PPP2R5C: variants seen among roughly 807,000 people sequenced by gnomAD.
PPP2R5C encodes protein phosphatase 2 regulatory subunit B'gamma.
PPP2R5C carries 7 observed loss-of-function variants against 68.9 expected under a neutral mutation model. The observed-to-expected ratio is 0.10, with a 90% CI of 0.06 to 0.19. The LOEUF (loss-of-function observed/expected upper bound fraction) is 0.19. Ranked by LOEUF, PPP2R5C falls within the 10% of genes least tolerant of loss-of-function variation. PPP2R5C has a pLI of 1.00. For synonymous variants in PPP2R5C, 210 were observed against 222.2 expected (o/e 0.95, Z 0.49); for missense variants, 348 against 641.3 (o/e 0.54, Z 4.94).
intron 1 of PPP2R5C, among the ~76,000 whole-genome samples, chr14:101,852,290 C>T (rs1464519373): frequency 6.6e-6 from 1 of 152,126 alleles, no homozygotes; most frequent in Admixed American, 6.5e-5. Context: ...CTGTACCTCC[C>T]TGACTGTTGG....
In PPP2R5C at chr14:101,844,192, G is replaced by A. The variant is rs116924463; in HGVS notation, c.95-12494G>A. On this transcript the variant is annotated intron_variant, in intron 1 of 13. Transcript: ENST00000334743. ...GGCCAGGTGAGGTGGAGGCCAGAAC[G>A]CAAAGTAGGTTAATACCAATACCAG... The A allele has an allele frequency of 2.3e-3, 337 of 147,240 alleles. 5 individuals are homozygous for A. In the East Asian group the frequency reaches 0.026, roughly 12 times the overall value. 9.1% of individuals were successfully genotyped at this position (147,240 alleles called of 1,614,324 possible). A position where few individuals can be genotyped will look rare whatever the true frequency, so the allele number is the denominator to read the frequency against.
chr14:101,797,914 C>T lies in PPP2R5C; in HGVS notation c.259+11731C>T, dbSNP rs796678278. On this transcript the variant is annotated intron_variant, in intron 3 of 14. Coordinates refer to the PPP2R5C transcript ENST00000328724. The surrounding 1 kb of genome is among the most constrained non-coding windows in gnomAD (Gnocchi z 4.2). ...CGCTGAGCTTCCCTGTGGACAAGCTCGTCCATCCTCTTTAATCACTCCCAG... is the reference window on the plus strand; with the variant it reads ...CGCTGAGCTTCCCTGTGGACAAGCTTGTCCATCCTCTTTAATCACTCCCAG... 1.4e-4 allele frequency among the ~76,000 whole-genome samples: 21 copies of T among 152,170 alleles called. No individual in the cohort carries two copies. Among genetic ancestry groups the T allele is most frequent in the African/African-American group, 5.1e-4 (21 of 41,520 alleles).
chr14:101,833,054 C>T (rs888414423), intron 1 of PPP2R5C, among the ~76,000 whole-genome samples: 1 of 152,234 alleles, frequency 6.6e-6, no homozygotes, highest in Non-Finnish European at 1.5e-5. Flanking sequence ...TCCACACTGG[C>T]AGTGATTAGA....
Position 101,899,641 on chromosome 14 carries a change from T to G in PPP2R5C, c.853-2078T>G, listed in dbSNP as rs2045565095. Among the ~76,000 whole-genome samples the G allele has an allele frequency of 6.6e-6, 1 of 152,238 alleles. No individual in the cohort carries two copies. The highest frequency in any genetic ancestry group is 1.5e-5 in the Non-Finnish European group (1 of 68,048). ...GTTGTATAGTTCACAAATTAACATA[T>G]TTCTCCTAATAAAATTCCATTTGAC... On this transcript the variant is annotated intron_variant, in intron 8 of 13. Transcript: ENST00000334743. The surrounding 1 kb of genome is among the most constrained non-coding windows in gnomAD (Gnocchi z 4.2).
At chr14:101,901,065 T>C (rs1352823597) in intron 8 of PPP2R5C, among the ~76,000 whole-genome samples, 1 of 152,232 alleles carries the variant, frequency 6.6e-6, no homozygotes, top group Non-Finnish European at 1.5e-5. Context: ...TTGAAAACAC[T>C]GTCTATGCAT....
Position 101,828,347 on chromosome 14 carries a change from A to T in PPP2R5C, c.94+18311A>T, listed in dbSNP as rs116188215. On this transcript the variant is annotated intron_variant, in intron 1 of 13. Coordinates refer to ENST00000334743, the Ensembl canonical transcript of PPP2R5C. ...GCTGATTGCACAACATTGTAAATGC[A>T]CTAAATGCCCCTGAAGTGTACTTGA... Among the ~76,000 whole-genome samples, 525 of 152,318 alleles carry T rather than the reference A, an allele frequency of 3.4e-3. 5 individuals are homozygous for T. The highest frequency in any genetic ancestry group is 0.012 in the African/African-American group (497 of 41,556).
Position 101,882,394 on chromosome 14 carries a change from G to A in PPP2R5C, c.405+123G>A, listed in dbSNP as rs1218734451. The A allele has an allele frequency of 1.3e-5, 8 of 622,752 alleles. No homozygotes were observed. Among genetic ancestry groups the A allele is most frequent in the Non-Finnish European group, 1.9e-5 (7 of 364,120 alleles). The allele number at this position is 622,752 out of a possible 1,614,324, so 38.6% of individuals were successfully genotyped here. ...TCTCCTCCTCAGTAGCATGGGCCTC[G>A]TAAACCCATATGTACAAGAAAAATA... On this transcript the variant is annotated intron_variant, in intron 3 of 13. Transcript: ENST00000334743. This position sits in a 1 kb window ranked among gnomAD's most constrained non-coding sequence, Gnocchi z 4.9.
exon 14 of PPP2R5C, chr14:101,925,440 A>C: frequency 5.0e-6 from 6 of 1,208,144 alleles, no homozygotes; most frequent in East Asian, 2.8e-5. Flanking sequence ...AGTTCAAACA[A>C]TGGTGACTTC....
At chr14:101,761,515 G>A (rs1423996494), upstream of PPP2R5C, among the ~76,000 whole-genome samples, 1 of 148,242 alleles carries the variant, frequency 6.7e-6, no homozygotes, top group East Asian at 2.1e-4. Flanking sequence ...AGCGGGGAGC[G>A]TTAGGGTACG....
intron 8 of PPP2R5C, among the ~76,000 whole-genome samples, chr14:101,900,100 C>T (rs555055382): frequency 6.6e-6 from 1 of 152,178 alleles, no homozygotes; most frequent in South Asian, 2.1e-4. Context: ...GTGCCCAGGT[C>T]GGTCTCGAAC....
intron 1 of PPP2R5C, among the ~76,000 whole-genome samples, chr14:101,838,323 C>T (rs758705316): frequency 2.6e-4 from 39 of 152,170 alleles, no homozygotes; most frequent in South Asian, 2.1e-4. Flanking sequence ...TGAATGCAAG[C>T]GTCTTGTGAA....
intron 8 of PPP2R5C, 42 bp from the exon 11 acceptor site, chr14:101,901,677 C>G: frequency 6.3e-7 from 1 of 1,597,532 alleles, no homozygotes; most frequent in Non-Finnish European, 8.6e-7. Context: ...GGTGTTGGGG[C>G]CTCGTGGGCA....
rs749754601 is a variant in PPP2R5C, at chr14:101,891,453, T to C, written c.689+1157T>C. Among the ~76,000 whole-genome samples, 41 of 140,556 alleles carry C rather than the reference T, an allele frequency of 2.9e-4. No homozygotes were observed. Among genetic ancestry groups the C allele is most frequent in the Non-Finnish European group, 3.8e-4 (25 of 66,634 alleles). 92.2% of individuals were successfully genotyped at this position (140,556 alleles called of 152,430 possible). A position where few individuals can be genotyped will look rare whatever the true frequency, so the allele number is the denominator to read the frequency against. On this transcript the variant is annotated intron_variant, in intron 6 of 13. Transcript: ENST00000334743. This position sits in a 1 kb window ranked among gnomAD's most constrained non-coding sequence, Gnocchi z 4.9. ...TCCCTCAGTGCAGTGCAGTGAGTGGTGAAGAGGATGCCTCTCTTACTAGAT... is the reference window on the plus strand; with the variant it reads ...TCCCTCAGTGCAGTGCAGTGAGTGGCGAAGAGGATGCCTCTCTTACTAGAT...
rs3993402 is a variant in PPP2R5C, at chr14:101,771,222, CGTGTGTGT to C, written c.93+8287_93+8294del. ...AGGGCATTTGGCTTTTTCTTCATCT[CGTGTGTGT>C]GTGTGTGTGTGTGTGTGTGTGTGTG... On this transcript the variant is annotated intron_variant, in intron 2 of 14. Coordinates refer to the PPP2R5C transcript ENST00000328724. 5.7e-3 allele frequency among the ~76,000 whole-genome samples: 768 copies of C among 135,482 alleles called. 4 individuals are homozygous for C. The highest frequency in any genetic ancestry group is 7.4e-3 in the Non-Finnish European group (475 of 64,420). The allele number at this position is 135,482 out of a possible 152,430, so 88.9% of individuals were successfully genotyped here.
chr14:101,795,249 A>C (rs966541098), intron 3 of PPP2R5C, among the ~76,000 whole-genome samples: 2 of 152,204 alleles, frequency 1.3e-5, no homozygotes, highest in African/African-American at 2.4e-5. Flanking sequence ...AAAACCCTTA[A>C]TAGATATTGT....
chr14:101,793,720 A>G (rs546592828), intron 3 of PPP2R5C, among the ~76,000 whole-genome samples: 1 of 152,212 alleles, frequency 6.6e-6, no homozygotes, highest in African/African-American at 2.4e-5. Context: ...ACCCATACTC[A>G]TGGCACCCAA....
At chr14:101,900,063 T>G (rs1172537138) in intron 8 of PPP2R5C, among the ~76,000 whole-genome samples, 1 of 151,872 alleles carries the variant, frequency 6.6e-6, no homozygotes, top group African/African-American at 2.4e-5. Flanking sequence ...ATTTTTAAAT[T>G]TTGTGTAGAG....
chr14:101,818,787 T>C (rs1321125093), intron 1 of PPP2R5C: 6 of 514,270 alleles, frequency 1.2e-5, no homozygotes, highest in South Asian at 5.3e-5. Flanking sequence ...TTATATCTTA[T>C]TGTTTTTAAA....
At chr14:101,893,917 C>T (rs1053912599) in intron 7 of PPP2R5C, among the ~76,000 whole-genome samples, 10 of 152,164 alleles carry the variant, frequency 6.6e-5, no homozygotes, top group South Asian at 4.1e-4. Flanking sequence ...TGTTCACTTC[C>T]GGCTGTCACA....
Sources: allele counts gnomAD v4.1 joint callset (sites outside exome capture counted in the v4.1 genomes callset), GRCh38; gene constraint gnomAD v4.1.1; non-coding constraint Gnocchi (gnomAD v3.1); transcripts MANE v1.5; gene names NCBI Gene and HGNC (gene_info 2026-07-23, HGNC 2026-07-21).